HSPA14: variants seen among roughly 807,000 people sequenced by gnomAD.
The protein encoded by HSPA14 is heat shock protein family A (Hsp70) member 14, also known as heat shock 70 kDa protein 14.
HSPA14 carries 37 observed loss-of-function variants against 65.5 expected under a neutral mutation model. That is an observed-to-expected ratio of 0.56 (90% CI 0.43 to 0.74). The LOEUF is 0.74. Ranked by LOEUF, HSPA14 falls within the 30% of genes least tolerant of loss-of-function variation. The pLI, the probability that HSPA14 is intolerant of heterozygous loss-of-function variation, is 0.00. For synonymous variants in HSPA14, 203 were observed against 214.2 expected (o/e 0.95, Z 0.46); for missense variants, 564 against 607.6 (o/e 0.93, Z 0.75).
In HSPA14 at chr10:14,853,823, G is replaced by A. The variant is rs570120979; in HGVS notation, c.735-302G>A. On this transcript the variant is annotated intron_variant, in intron 8 of 13. Transcript: ENST00000378372. ...CAATCTCCACCTCCCAGGTTCAAGC[G>A]ATTCTTCTGCCTCAGCCTCCCAAGT... Among the ~76,000 whole-genome samples, 23 of 152,188 alleles carry A rather than the reference G, an allele frequency of 1.5e-4. No homozygotes were observed. In the East Asian group the frequency reaches 3.5e-3, roughly 23 times the overall value.
intron 10 of HSPA14, among the ~76,000 whole-genome samples, chr10:14,860,888 C>A (rs1832745254): frequency 6.6e-6 from 1 of 152,106 alleles, no homozygotes; most frequent in Admixed American, 6.5e-5. Context: ...CAGAAGAGAT[C>A]CCAGGATGGG....
intron 3 of HSPA14, chr10:14,841,282 T>G (rs994803087): frequency 3.9e-5 from 6 of 152,222 alleles, no homozygotes; most frequent in Admixed American, 2.6e-4. Flanking sequence ...CCGAGCATAT[T>G]AAATATAAGT....
rs1286829739 is a variant in HSPA14 at position 14,839,997 on chromosome 10, C to T, written c.138+12C>T. 1 of 1,590,702 alleles carries T rather than the reference C, an allele frequency of 6.3e-7. No homozygotes were observed. The highest frequency in any genetic ancestry group is 1.1e-5 in the South Asian group (1 of 88,548). ...CAGAAAATGAAGAGGTACTAGTCCCCCCATTTTTGTACTTCTGAAATAATT... is the reference window on the plus strand; with the variant it reads ...CAGAAAATGAAGAGGTACTAGTCCCTCCATTTTTGTACTTCTGAAATAATT... On this transcript the variant is annotated intron_variant, in intron 2 of 13. Coordinates refer to ENST00000378372, the MANE Select transcript of HSPA14 (RefSeq NM_016299.4).
rs1335087355 is a variant in HSPA14 at position 14,842,847 on chromosome 10, G to A, written c.221+2690G>A. On this transcript the variant is annotated intron_variant, in intron 3 of 13. Coordinates refer to ENST00000378372, the MANE Select transcript of HSPA14 (RefSeq NM_016299.4). The surrounding 1 kb of genome is among the most constrained non-coding windows in gnomAD (Gnocchi z 5.2). The stretch of plus-strand genomic sequence containing the variant: ...TCCTGGGATGAATCCTCGGGTGCAG[G>A]TAACTCCCAAGCATGTGAAGGAGTT... The A allele has an allele frequency of 6.6e-7, 1 of 1,525,740 alleles. No individual in the cohort carries two copies. Among genetic ancestry groups the A allele is most frequent in the Non-Finnish European group, 8.8e-7 (1 of 1,140,894 alleles). The allele number at this position is 1,525,740 out of a possible 1,614,324, so 94.5% of individuals were successfully genotyped here.
chr10:14,870,311 A>G (rs1324976040), intron 12 of HSPA14, among the ~76,000 whole-genome samples: 1 of 152,200 alleles, frequency 6.6e-6, no homozygotes. Flanking sequence ...TCCAAGATTA[A>G]TAGTACATCT....
rs751108853 is a variant in HSPA14, at chr10:14,867,226, T to A, written c.1137T>A (p.Ile379=). The A allele has an allele frequency of 3.1e-6, 5 of 1,613,730 alleles. No homozygotes were observed. In the East Asian group the frequency reaches 1.1e-4, roughly 36 times the overall value. ...CAGCTATAGAAGCAGGAATTCTTAT[T>A]GGGAAAGAAAACCTGTTGGTGGAAG... ...IGAAIEAGIL[I]GKENLLVEDS... Residue 379 remains isoleucine, a synonymous_variant, in exon 11 of 14, where the codon ATT becomes ATA. Transcript: ENST00000378372.
intron 3 of HSPA14, 101 bp downstream of exon 3, chr10:14,840,258 T>A (rs532918492): frequency 1.9e-6 from 1 of 514,630 alleles, no homozygotes; most frequent in Non-Finnish European, 3.1e-6. Context: ...GTTTGTTTCT[T>A]CATTGCTTTT....
At chr10:14,849,872 T>G in intron 6 of HSPA14, 61 bp downstream of exon 6, 1 of 987,994 alleles carries the variant, frequency 1.0e-6, no homozygotes, top group Non-Finnish European at 1.6e-6. Context: ...CACTATATAG[T>G]AAAAGGTAAC....
chr10:14,860,828 A>C (rs1189012257), intron 10 of HSPA14, among the ~76,000 whole-genome samples: 2 of 152,122 alleles, frequency 1.3e-5, no homozygotes, highest in Non-Finnish European at 2.9e-5. Flanking sequence ...GTACTCTTTA[A>C]AGCCATGAAA....
At chr10:14,864,689 G>A (rs1186457540) in intron 10 of HSPA14, among the ~76,000 whole-genome samples, 1 of 152,228 alleles carries the variant, frequency 6.6e-6, no homozygotes, top group South Asian at 2.1e-4. Flanking sequence ...ATTCCATGGT[G>A]TATATGTGCC....
rs745425981 is a variant in HSPA14 at position 14,867,093 on chromosome 10, G to A, written c.1004G>A (p.Cys335Tyr). 8.1e-6 allele frequency: 13 copies of A among 1,611,874 alleles called. No individual in the cohort carries two copies. Among genetic ancestry groups the A allele is most frequent in the African/African-American group, 1.3e-5 (1 of 74,830 alleles). ...TADDINKVVLCGGSSRIPKLQ... is the reference protein window; with the variant it reads ...TADDINKVVLYGGSSRIPKLQ... ...ATTTTTATTCTCTAGGTTGTCCTTT[G>A]TGGAGGGTCTTCTCGAATCCCAAAG... The change falls in exon 11 of 14, where the codon TGT (cysteine) becomes TAT (tyrosine). Residue 335 changes from cysteine to tyrosine, a missense_variant. By Grantham distance (194) the Cys-to-Tyr change is radical. Transcript: ENST00000378372.
At chr10:14,848,582 G>A in intron 3 of HSPA14, 27 bp from the exon 4 acceptor site, 1 of 1,559,932 alleles carries the variant, frequency 6.4e-7, no homozygotes, top group Non-Finnish European at 8.8e-7. Context: ...TTAATACTTA[G>A]CTATCTTTAT....
chr10:14,860,544 A>AT (rs1832743058), intron 10 of HSPA14, among the ~76,000 whole-genome samples: 1 of 152,158 alleles, frequency 6.6e-6, no homozygotes, highest in African/African-American at 2.4e-5. Context: ...AAGTGAAGTG[A>AT]TAGAACAAGC....
Position 14,849,723 on chromosome 10 carries a change from A to G in HSPA14, c.379A>G (p.Thr127Ala). 6.3e-7 allele frequency: 1 copy of G among 1,597,672 alleles called. No individual in the cohort carries two copies. Among genetic ancestry groups the G allele is most frequent in the African/African-American group, 1.4e-5 (1 of 74,004 alleles). Residue 127 changes from threonine to alanine, a missense_variant and splice_region_variant, in exon 6 of 14, where the codon ACG (threonine) becomes GCG (alanine). Coordinates refer to ENST00000378372, the MANE Select transcript of HSPA14 (RefSeq NM_016299.4). ...ATTTTATATTTTTTAATATGCAGAAACGGCACATTCTGTATTGGGCTCAGA... is the reference window on the plus strand; with the variant it reads ...ATTTTATATTTTTTAATATGCAGAAGCGGCACATTCTGTATTGGGCTCAGA... Reference protein sequence around the residue: ...ARLIFSKMKETAHSVLGSDAN... With the variant: ...ARLIFSKMKEAAHSVLGSDAN...
At chr10:14,838,609 G>A in intron 1 of HSPA14, 150 bp downstream of exon 1, 1 of 717,360 alleles carries the variant, frequency 1.4e-6, no homozygotes, top group South Asian at 2.0e-5. Context: ...CGAAGGGCCG[G>A]GCAGGCCCGG....
At chr10:14,851,763 T>C (rs1046416589) in intron 7 of HSPA14, among the ~76,000 whole-genome samples, 1 of 152,224 alleles carries the variant, frequency 6.6e-6, no homozygotes, top group African/African-American at 2.4e-5. Flanking sequence ...ATCCCTAATA[T>C]AGCTGTCAAT....
Position 14,867,786 on chromosome 10 carries a change from G to T in HSPA14, c.1257G>T (p.Gly419=), listed in dbSNP as rs376613310. The T allele has an allele frequency of 5.6e-6, 9 of 1,613,970 alleles. No homozygotes were observed. The highest frequency in any genetic ancestry group is 5.3e-5 in the African/African-American group (4 of 74,888). ...GATTCACAGTGCTGTTTCCATCAGG[G>T]ACTCCTTTGCCAGCTCGAAGACAAC... ...ASRFTVLFPS[G]TPLPARRQHT... Residue 419 remains glycine (G), a synonymous_variant, in exon 12 of 14, where the codon GGG becomes GGT. Transcript: ENST00000378372.
In HSPA14 at chr10:14,867,816, A is replaced by C. The variant is rs766191095; in HGVS notation, c.1287A>C (p.Thr429=). The C allele has an allele frequency of 6.2e-7, 1 of 1,614,188 alleles. No homozygotes were observed. The highest frequency in any genetic ancestry group is 1.7e-5 in the Admixed American group (1 of 60,020). The change falls in exon 12 of 14, where the codon ACA becomes ACC. Residue 429 remains threonine, a synonymous_variant. Coordinates refer to ENST00000378372, the MANE Select transcript of HSPA14 (RefSeq NM_016299.4). ...CTTTGCCAGCTCGAAGACAACACAC[A>C]TTGCAAGCCCCTGGAAGCATATCTT... ...GTPLPARRQH[T]LQAPGSISSV...
chr10:14,856,502 C>G (rs1374997505), intron 10 of HSPA14, among the ~76,000 whole-genome samples: 1 of 152,120 alleles, frequency 6.6e-6, no homozygotes, highest in Non-Finnish European at 1.5e-5. Context: ...CAAAAAAATT[C>G]AAATGTTTAG....
Sources: gnomAD v4.1 joint callset for allele counts (sites outside exome capture counted in the v4.1 genomes callset) on GRCh38, gnomAD v4.1.1 for gene constraint, Gnocchi (gnomAD v3.1) non-coding constraint, MANE v1.5 for transcripts, NCBI Gene and HGNC (gene_info 2026-07-23, HGNC 2026-07-21) for gene names.